The following F13A1 variants were observed in gnomAD, a reference collection of about 807,000 sequenced individuals.
F13A1 encodes the protein FSF, A subunit.
A neutral mutation model predicts 80.1 loss-of-function variants in F13A1; 47 were observed. The ratio of observed to expected loss-of-function variants is 0.59; its 90% CI spans 0.46 to 0.75. The LOEUF is 0.75. Among genes scored for constraint, F13A1 ranks in the 30% least tolerant of loss-of-function variants. The probability of loss-of-function intolerance (pLI) is 0.00; values close to 1 mark genes in which losing one functional copy is unlikely to be tolerated. For missense variants in F13A1, 817 were observed against 930.4 expected (o/e 0.88, Z 1.59); for synonymous variants, 349 against 344.9 (o/e 1.01, Z -0.13).
intron 14 of F13A1, among the ~76,000 whole-genome samples, chr6:6,148,663 G>A (rs879906675): frequency 3.9e-5 from 6 of 152,154 alleles, no homozygotes; most frequent in Non-Finnish European, 7.3e-5. Flanking sequence ...GACTGGCTCA[G>A]GTCTTGGTTG....
chr6:6,180,947 T>G (rs1277947541), intron 11 of F13A1, among the ~76,000 whole-genome samples: 5 of 152,166 alleles, frequency 3.3e-5, no homozygotes, highest in Non-Finnish European at 7.4e-5. Context: ...TTTTATCCAT[T>G]TACTAAAAAT....
In F13A1 at chr6:6,318,550, C is replaced by A. The variant is rs1471936838; in HGVS notation, c.115G>T (p.Gly39Cys). 1 of 1,613,374 alleles carries A rather than the reference C, an allele frequency of 6.2e-7. No individual in the cohort carries two copies. The highest frequency in any genetic ancestry group is 8.5e-7 in the Non-Finnish European group (1 of 1,179,734). ...TVELQGVVPR[G>C]VNLQEFLNVT... ...ATGCTCATACCTTGCAGGTTGACGCCCCGGGGCACCACGCCCTGAAGCTCC... is the reference window on the plus strand; with the variant it reads ...ATGCTCATACCTTGCAGGTTGACGCACCGGGGCACCACGCCCTGAAGCTCC... Residue 39 changes from glycine (G) to cysteine (C), a missense_variant, in exon 2 of 15, where the codon GGC (glycine) becomes TGC (cysteine). By Grantham distance (159) the Gly-to-Cys change is radical. Coordinates refer to ENST00000264870, the MANE Select transcript of F13A1 (RefSeq NM_000129.4).
intron 13 of F13A1, among the ~76,000 whole-genome samples, chr6:6,158,067 G>A (rs1030060957): frequency 3.3e-5 from 5 of 152,132 alleles, no homozygotes; most frequent in South Asian, 2.1e-4. Flanking sequence ...AAGTAGCCAC[G>A]AGGGGATGGA....
chr6:6,197,633 GTGCCACTGCACTTCAGCC>G (rs1761314904), intron 8 of F13A1, among the ~76,000 whole-genome samples: 1 of 151,606 alleles, frequency 6.6e-6, no homozygotes, highest in South Asian at 2.1e-4. Context: ...AGCTGAGATT[GTGCCACTGCACTTCAGCC>G]TGGTGACAGA....
intron 3 of F13A1, among the ~76,000 whole-genome samples, chr6:6,295,451 A>ATCTC (rs1466220385): frequency 2.0e-5 from 3 of 148,238 alleles, no homozygotes; most frequent in Non-Finnish European, 3.0e-5. Context: ...CTGGTGTGAG[A>ATCTC]TGGCATCTCA....
chr6:6,197,393 G>A, intron 8 of F13A1, 67 bp from the exon 9 acceptor site: 1 of 1,482,704 alleles, frequency 6.7e-7, no homozygotes, highest in Non-Finnish European at 9.4e-7. Context: ...AGATCAAGAA[G>A]TGACGGCCAG....
chr6:6,232,157 G>A (rs986087855), intron 6 of F13A1, among the ~76,000 whole-genome samples: 2 of 152,174 alleles, frequency 1.3e-5, no homozygotes, highest in Admixed American at 6.5e-5. Context: ...ATACAGAACT[G>A]AAGAATGGAT....
intron 14 of F13A1, 78 bp from the exon 15 acceptor site, chr6:6,145,850 C>T (rs1760268540): frequency 1.3e-6 from 2 of 1,594,494 alleles, no homozygotes; most frequent in Admixed American, 1.7e-5. Context: ...AAACTCTTGC[C>T]TAAGTCACTT....
At chr6:6,288,120 CAT>C (rs1305113019) in intron 3 of F13A1, among the ~76,000 whole-genome samples, 3 of 152,204 alleles carry the variant, frequency 2.0e-5, no homozygotes, top group Admixed American at 2.0e-4. Flanking sequence ...TATTACCTTA[CAT>C]AGTTACCTTT....
rs1761309251 is a variant in F13A1, at chr6:6,197,302, T to C, written c.1137A>G (p.Ala379=). Residue 379 remains alanine (A), a synonymous_variant, in exon 9 of 15, where the codon GCA becomes GCG. Coordinates refer to ENST00000264870, the MANE Select transcript of F13A1 (RefSeq NM_000129.4). ...SVWNYHCWNE[A]WMTRPDLPVG... Reference sequence around the variant, plus strand: ...CAGGAAGGTCAGGCCTTGTCATCCATGCTTCATTCCAGCAGTGGTAGTTCC... The same window carrying C: ...CAGGAAGGTCAGGCCTTGTCATCCACGCTTCATTCCAGCAGTGGTAGTTCC... The C allele has an allele frequency of 1.9e-6, 3 of 1,614,196 alleles. No individual in the cohort carries two copies. Among genetic ancestry groups the C allele is most frequent in the Non-Finnish European group, 2.5e-6 (3 of 1,180,022 alleles).
At chr6:6,167,293 C>A (rs1309510970) in intron 13 of F13A1, among the ~76,000 whole-genome samples, 165 bp downstream of exon 13, 1 of 148,918 alleles carries the variant, frequency 6.7e-6, no homozygotes. Context: ...CAGTTTACTT[C>A]TTTCAAAGAA....
chr6:6,175,705 C>T lies in F13A1; in HGVS notation c.1460-838G>A, dbSNP rs574852892. ...CAAGGTTTCCCAAACTCATCTGACA[C>T]GGAGGGCAGTTTTTTGAGGGACATC... On this transcript the variant is annotated intron_variant, in intron 11 of 14. Transcript: ENST00000264870. Among the ~76,000 whole-genome samples the T allele has an allele frequency of 7.3e-4, 111 of 152,324 alleles. 1 individual carries two copies. Among genetic ancestry groups the T allele is most frequent in the Non-Finnish European group, 1.1e-3 (78 of 68,038 alleles).
rs1338929992 is a variant in F13A1, at chr6:6,196,274, GT to G, written c.1217-390del. Among the ~76,000 whole-genome samples, 3 of 152,184 alleles carry G rather than the reference GT, an allele frequency of 2.0e-5. No individual in the cohort carries two copies. In the East Asian group the frequency reaches 5.8e-4, roughly 29 times the overall value. On this transcript the variant is annotated intron_variant, in intron 9 of 14. Coordinates refer to ENST00000264870, the MANE Select transcript of F13A1 (RefSeq NM_000129.4). ...CTGTTTGTTTTGCTTTTTGTCTTTT[GT>G]TTTTGGACATTATGAACATATGTCA...
intron 11 of F13A1, among the ~76,000 whole-genome samples, chr6:6,176,962 C>G (rs908568899): frequency 2.0e-5 from 3 of 152,134 alleles, no homozygotes; most frequent in Non-Finnish European, 1.5e-5. Flanking sequence ...GCGGAGACCG[C>G]CAAACAGAAG....
chr6:6,155,210 C>T (rs1760452252), intron 13 of F13A1, among the ~76,000 whole-genome samples: 1 of 152,188 alleles, frequency 6.6e-6, no homozygotes, highest in African/African-American at 2.4e-5. Flanking sequence ...GTGAAATACA[C>T]CCTTCCAGGT....
chr6:6,298,910 C>A (rs9379023), intron 3 of F13A1, among the ~76,000 whole-genome samples: 2,586 of 147,808 alleles, frequency 0.017, 84 homozygotes, highest in South Asian at 0.032. Flanking sequence ...CCATGTTTAG[C>A]GCTTCCTTCA....
At position 6,311,049 on chromosome 6, in the gene F13A1, T is replaced by TA. The variant is rs368426296; in HGVS notation, c.131-5511dup. 4.0e-5 allele frequency among the ~76,000 whole-genome samples: 6 copies of TA among 151,174 alleles called. No individual in the cohort carries two copies. The South Asian group carries it at 6.3e-4, about 16-fold the overall frequency. On this transcript the variant is annotated intron_variant, in intron 2 of 14. Coordinates refer to ENST00000264870, the MANE Select transcript of F13A1 (RefSeq NM_000129.4). ...CAGGAAACATCTGTCTTTTTTTTTT[T>TA]AAAAAAAAGTATCATTGTCTCTTTG...
At chr6:6,176,961 G>A (rs752301685) in intron 11 of F13A1, among the ~76,000 whole-genome samples, 12 of 152,140 alleles carry the variant, frequency 7.9e-5, no homozygotes, top group Admixed American at 5.9e-4. Context: ...AGCGGAGACC[G>A]CCAAACAGAA....
At chr6:6,153,652 C>A (rs1284310693) in intron 13 of F13A1, among the ~76,000 whole-genome samples, 1 of 152,166 alleles carries the variant, frequency 6.6e-6, no homozygotes, top group Admixed American at 6.5e-5. Flanking sequence ...ACAGCAGGTG[C>A]ACCTAGACAG....
Sources: gnomAD v4.1 joint callset for allele counts (sites outside exome capture counted in the v4.1 genomes callset) on GRCh38, gnomAD v4.1.1 for gene constraint, MANE v1.5 for transcripts, NCBI Gene and HGNC (gene_info 2026-07-23, HGNC 2026-07-21) for gene names.